Variants in KIF3A observed in about 807,000 individuals in gnomAD.
KIF3A encodes kinesin-like protein KIF3A.
Under a neutral mutation model 92.6 loss-of-function variants are expected in KIF3A, and 27 were observed. The ratio of observed to expected loss-of-function variants is 0.29; its 90% CI spans 0.21 to 0.40. The LOEUF is 0.40. KIF3A is among the 10% of genes least tolerant of loss of function. The pLI is 1.00. For missense variants in KIF3A, 581 were observed against 872.6 expected (o/e 0.67, Z 4.21); for synonymous variants, 250 against 275.4 (o/e 0.91, Z 0.92).
downstream of KIF3A, among the ~76,000 whole-genome samples, chr5:132,691,072 C>A (rs1752650905): frequency 6.6e-6 from 1 of 152,192 alleles, no homozygotes; most frequent in South Asian, 2.1e-4. Flanking sequence ...TTAACAATAA[C>A]CCAAGTAATG....
intron 8 of KIF3A, among the ~76,000 whole-genome samples, 153 bp downstream of exon 8, chr5:132,715,604 T>C (rs745719530): frequency 9.9e-5 from 15 of 152,242 alleles, no homozygotes; most frequent in Non-Finnish European, 1.5e-4. Flanking sequence ...TGCGAAAGTA[T>C]GTAAGTACCA....
At chr5:132,690,469 T>C (rs1267754942), downstream of KIF3A, among the ~76,000 whole-genome samples, 1 of 152,168 alleles carries the variant, frequency 6.6e-6, no homozygotes, top group Non-Finnish European at 1.5e-5. Context: ...AGAATGACTA[T>C]AGTAAACAAC....
chr5:132,717,692 G>A (rs1032456246), intron 5 of KIF3A, among the ~76,000 whole-genome samples: 2 of 149,812 alleles, frequency 1.3e-5, no homozygotes, highest in African/African-American at 4.9e-5. Context: ...GTAAATATAT[G>A]AATATATTGT....
chr5:132,710,879 C>T lies in KIF3A; in HGVS notation c.1228+80G>A, dbSNP rs1349583224. The T allele has an allele frequency of 1.3e-4, 208 of 1,582,012 alleles. 2 individuals are homozygous for T. The Admixed American group carries it at 3.2e-3, about 25-fold the overall frequency. On this transcript the variant is annotated intron_variant, in intron 9 of 18. Coordinates refer to ENST00000403231, the MANE Select transcript of KIF3A (RefSeq NM_001300791.2). Reference sequence around the variant, plus strand: ...GTTATCTAATATATTAAACAGATAACGGCAAAATAAAAGTCATGCACTCTA... The same window carrying T: ...GTTATCTAATATATTAAACAGATAATGGCAAAATAAAAGTCATGCACTCTA...
At chr5:132,719,623 C>G (rs937606244) in intron 5 of KIF3A, among the ~76,000 whole-genome samples, 1 of 151,910 alleles carries the variant, frequency 6.6e-6, no homozygotes, top group African/African-American at 2.4e-5. Flanking sequence ...TCCCGAGTAA[C>G]TGGGATTACA....
intron 4 of KIF3A, among the ~76,000 whole-genome samples, chr5:132,724,175 AG>A (rs1307073396): frequency 2.0e-5 from 3 of 152,224 alleles, no homozygotes; most frequent in African/African-American, 7.2e-5. Flanking sequence ...GTGGAGAAAC[AG>A]GAACACTTTT....
downstream of KIF3A, chr5:132,689,829 A>G (rs944490488): frequency 3.9e-5 from 6 of 152,222 alleles, no homozygotes; most frequent in African/African-American, 1.4e-4. Context: ...CATGTTCTAC[A>G]CACAGGTAAG....
chr5:132,691,441 G>A (rs1267735573), downstream of KIF3A, among the ~76,000 whole-genome samples: 1 of 151,944 alleles, frequency 6.6e-6, no homozygotes, highest in African/African-American at 2.4e-5. Flanking sequence ...CAGCTACTCT[G>A]AAGGCTGAGG....
Position 132,726,201 on chromosome 5 carries a change from C to A in KIF3A, c.437G>T (p.Arg146Leu). The A allele has an allele frequency of 6.2e-7, 1 of 1,609,220 alleles. No homozygotes were observed. Residue 146 changes from arginine (R) to leucine (L), a missense_variant, in exon 4 of 19, where the codon CGA becomes CTA. Physicochemically the swap from Arg to Leu is moderately radical, Grantham distance 102 (BLOSUM62 -2). Coordinates refer to ENST00000403231, the MANE Select transcript of KIF3A (RefSeq NM_001300791.2). ...KAEGDTRFLV[R>L]VSYLEIYNEE... ...ATTATATATTTCCAAATAAGACACT[C>A]GAACCAAAAATCTATAAAACATCAT...
At chr5:132,725,642 G>A (rs978933656) in intron 4 of KIF3A, among the ~76,000 whole-genome samples, 6 of 152,094 alleles carry the variant, frequency 3.9e-5, no homozygotes, top group Non-Finnish European at 8.8e-5. Flanking sequence ...TCGAACTGCT[G>A]GGAAGATTAA....
rs374855172 is a variant in KIF3A, at chr5:132,716,890, A to G, written c.711T>C (p.Gly237=). 3.7e-5 allele frequency: 60 copies of G among 1,613,920 alleles called. No individual in the cohort carries two copies. The highest frequency in any genetic ancestry group is 3.0e-4 in the Admixed American group (18 of 59,988). The change falls in exon 6 of 19, where the codon GGT becomes GGC. Residue 237 remains glycine, a synonymous_variant. Coordinates refer to ENST00000403231, the MANE Select transcript of KIF3A (RefSeq NM_001300791.2). Reference sequence around the variant, plus strand: ...GCTTCCCCATCCTGACATGCATGTTACCATCAATGCCTTTTTCACTGCATT... The same window carrying G: ...GCTTCCCCATCCTGACATGCATGTTGCCATCAATGCCTTTTTCACTGCATT... The part of the protein sequence containing the change: ...TIECSEKGID[G]NMHVRMGKLH...
intron 18 of KIF3A, 114 bp from the exon 19 acceptor site, chr5:132,696,796 A>G (rs564656075): frequency 2.8e-6 from 2 of 723,656 alleles, no homozygotes; most frequent in East Asian, 2.6e-5. Flanking sequence ...AAACAAGCCA[A>G]AATTTGACAC....
In KIF3A at chr5:132,702,541, T is replaced by C; in HGVS notation, c.1758+17A>G. ...AATCCAGAACTGCATTAGTAGGTAA[T>C]TTCTAAGAGAACCAACCTCTGACTT... On this transcript the variant is annotated intron_variant, in intron 14 of 18. Transcript: ENST00000403231. The C allele has an allele frequency of 2.0e-6, 3 of 1,491,032 alleles. No individual in the cohort carries two copies. The highest frequency in any genetic ancestry group is 2.8e-6 in the Non-Finnish European group (3 of 1,086,852). 92.4% of individuals were successfully genotyped at this position (1,491,032 alleles called of 1,614,324 possible).
At chr5:132,702,344 G>A in intron 14 of KIF3A, 132 bp from the exon 15 acceptor site, 1 of 845,888 alleles carries the variant, frequency 1.2e-6, no homozygotes, top group Non-Finnish European at 1.8e-6. Flanking sequence ...ATGATAAACA[G>A]CGTGACACTA....
chr5:132,720,453 ATCTATGCTCTC>A (rs1286343619), intron 5 of KIF3A, among the ~76,000 whole-genome samples, 145 bp downstream of exon 5: 2 of 152,182 alleles, frequency 1.3e-5, no homozygotes, highest in Non-Finnish European at 2.9e-5. Flanking sequence ...TCTTTCATTC[ATCTATGCTCTC>A]TACATGGTAA....
chr5:132,723,447 CAG>C (rs1174831263), intron 4 of KIF3A: 3 of 152,194 alleles, frequency 2.0e-5, no homozygotes, highest in African/African-American at 7.2e-5. Context: ...GGTACCAAAA[CAG>C]AGATATAGAT....
downstream of KIF3A, chr5:132,689,809 A>C (rs1480360104): frequency 6.6e-6 from 1 of 152,176 alleles, no homozygotes; most frequent in Non-Finnish European, 1.5e-5. Context: ...CAGGCCTTTA[A>C]TTTTGTCTTC....
chr5:132,707,300 CATTGAGATATT>C (rs1289061359), intron 10 of KIF3A, among the ~76,000 whole-genome samples: 1 of 151,938 alleles, frequency 6.6e-6, no homozygotes, highest in Non-Finnish European at 1.5e-5. Context: ...TTAAAAAGGC[CATTGAGATATT>C]TAAAAGGGAA....
chr5:132,709,928 T>C (rs148077003), intron 9 of KIF3A, among the ~76,000 whole-genome samples: 1 of 152,212 alleles, frequency 6.6e-6, no homozygotes, highest in African/African-American at 2.4e-5. Flanking sequence ...GTTTTTAAAT[T>C]TGGGACTCCT....
Sources: gnomAD v4.1 joint callset for allele counts (sites outside exome capture counted in the v4.1 genomes callset) on GRCh38, gnomAD v4.1.1 for gene constraint, MANE v1.5 for transcripts, NCBI Gene and HGNC (gene_info 2026-07-23, HGNC 2026-07-21) for gene names.